Variants in MBIP observed in about 807,000 individuals in gnomAD.
MBIP encodes MAP3K12-binding inhibitory protein 1.
MBIP carries 32 observed loss-of-function variants against 45.7 expected under a neutral mutation model. That is an observed-to-expected ratio of 0.70 (90% CI 0.53 to 0.94). The LOEUF is 0.94. Among genes scored for constraint, MBIP ranks in the 40% least tolerant of loss-of-function variants. The probability of loss-of-function intolerance (pLI) is 0.00; values close to 1 mark genes in which losing one functional copy is unlikely to be tolerated. For synonymous variants in MBIP, 145 were observed against 141.0 expected, an observed-to-expected ratio of 1.03 and a Z score of -0.20; for missense variants, 381 against 405.5, an observed-to-expected ratio of 0.94 and a Z score of 0.52.
chr14:36,305,840 T>C (rs1879839899), intron 7 of MBIP, among the ~76,000 whole-genome samples: 2 of 152,226 alleles, frequency 1.3e-5, no homozygotes, highest in African/African-American at 4.8e-5. Context: ...CTATCCTTGT[T>C]CTCTGTCTCT....
intron 2 of MBIP, among the ~76,000 whole-genome samples, chr14:36,316,107 A>C (rs1046053081): frequency 2.5e-4 from 38 of 152,324 alleles, no homozygotes; most frequent in African/African-American, 9.1e-4. Context: ...CACTATTATA[A>C]ATACCAATTC....
intron 7 of MBIP, among the ~76,000 whole-genome samples, chr14:36,301,915 G>T (rs1009618625): frequency 1.3e-5 from 2 of 152,198 alleles, no homozygotes; most frequent in African/African-American, 4.8e-5. Flanking sequence ...TGACTACTGA[G>T]ATTTTAAAGA....
At chr14:36,299,511 G>A (rs940750592) in intron 8 of MBIP, among the ~76,000 whole-genome samples, 4 of 151,080 alleles carry the variant, frequency 2.6e-5, no homozygotes, top group African/African-American at 7.3e-5. Context: ...ATTTGAAGAT[G>A]GGAGGAGGGA....
intron 1 of MBIP, among the ~76,000 whole-genome samples, chr14:36,317,040 T>C (rs1880616471): frequency 6.6e-6 from 1 of 152,200 alleles, no homozygotes; most frequent in African/African-American, 2.4e-5. Flanking sequence ...TCAAATTCTA[T>C]TCTTAGGTCT....
Position 36,316,738 on chromosome 14 carries a change from A to G in MBIP, c.204T>C (p.Pro68=), listed in dbSNP as rs1880595705. Residue 68 remains proline (P), a synonymous_variant, in exon 2 of 9, where the codon CCT becomes CCC. Coordinates refer to ENST00000416007, the MANE Select transcript of MBIP (RefSeq NM_016586.3). ...NKLQSLSAFQ[P]ALLFSALEQH... ...GTTCAAGTGCACTAAAGAGCAATGCAGGCTGGAATGCCGAGAGGCTCTGGA... is the reference window on the plus strand; with the variant it reads ...GTTCAAGTGCACTAAAGAGCAATGCGGGCTGGAATGCCGAGAGGCTCTGGA... 6 of 1,613,062 alleles carry G rather than the reference A, an allele frequency of 3.7e-6. No individual in the cohort carries two copies. The East Asian group carries it at 1.1e-4, about 30-fold the overall frequency.
intron 1 of MBIP, among the ~76,000 whole-genome samples, chr14:36,317,384 T>C (rs1880637371): frequency 6.6e-6 from 1 of 152,142 alleles, no homozygotes; most frequent in Non-Finnish European, 1.5e-5. Flanking sequence ...ACATATAAAG[T>C]GTAGGGATAA....
At chr14:36,302,206 C>T (rs1879600929) in intron 7 of MBIP, among the ~76,000 whole-genome samples, 1 of 152,076 alleles carries the variant, frequency 6.6e-6, no homozygotes, top group Non-Finnish European at 1.5e-5. Flanking sequence ...AATATAATTG[C>T]CCTTGGCCAG....
chr14:36,309,539 T>C (rs1880080144), intron 6 of MBIP, among the ~76,000 whole-genome samples: 1 of 152,198 alleles, frequency 6.6e-6, no homozygotes, highest in East Asian at 1.9e-4. Context: ...TACGGGTAAA[T>C]TTCTATATCA....
chr14:36,314,523 TC>T lies in MBIP; in HGVS notation c.559del (p.Asp187IlefsTer25), dbSNP rs1473097715. The T allele has an allele frequency of 6.2e-7, 1 of 1,606,962 alleles. No homozygotes were observed. ...NNVREFCNVI[D>X]CNQENSCART... ...TTCCAGGTAGTTACCTTGATTACAA[TC>T]AATAACATTGCAAAATTCCCTGACG... On this transcript the variant is annotated frameshift_variant, in exon 4 of 9. Transcript: ENST00000416007. LOFTEE classifies it high-confidence loss of function.
rs1294677375 is a variant in MBIP, at chr14:36,308,014, A to T, written c.888+78T>A. 6.6e-6 allele frequency: 5 copies of T among 761,014 alleles called. No individual in the cohort carries two copies. In the Admixed American group the frequency reaches 1.1e-4, roughly 17 times the overall value. 47.1% of individuals were successfully genotyped at this position (761,014 alleles called of 1,614,324 possible). Reference sequence around the variant, plus strand: ...TAAAATAGTGTTTTGCTTATAGATCAATGAGTGACTGTTAAACCACAAAGA... The same window carrying T: ...TAAAATAGTGTTTTGCTTATAGATCTATGAGTGACTGTTAAACCACAAAGA... On this transcript the variant is annotated intron_variant, in intron 7 of 8. Coordinates refer to ENST00000416007, the MANE Select transcript of MBIP (RefSeq NM_016586.3).
intron 7 of MBIP, among the ~76,000 whole-genome samples, chr14:36,305,897 A>G (rs960357914): frequency 6.6e-6 from 1 of 151,932 alleles, no homozygotes; most frequent in Non-Finnish European, 1.5e-5. Flanking sequence ...TCCTACTTGC[A>G]TTAATCTTTT....
intron 1 of MBIP, among the ~76,000 whole-genome samples, chr14:36,319,132 A>G (rs1407567371): frequency 6.6e-6 from 1 of 152,192 alleles, no homozygotes; most frequent in South Asian, 2.1e-4. Flanking sequence ...AAAATATTTC[A>G]AAAGAAATGT....
At chr14:36,309,439 A>G (rs1193339465) in intron 6 of MBIP, among the ~76,000 whole-genome samples, 1 of 152,238 alleles carries the variant, frequency 6.6e-6, no homozygotes, top group Admixed American at 6.5e-5. Flanking sequence ...GCATCAGTTC[A>G]TAAGACTACA....
At chr14:36,300,864 GCAT>G in intron 7 of MBIP, 41 bp from the exon 8 acceptor site, 1 of 1,254,184 alleles carries the variant, frequency 8.0e-7, no homozygotes. Flanking sequence ...AAAAATCTAA[GCAT>G]CATTTTTTTT....
chr14:36,308,025 G>A, intron 7 of MBIP, 67 bp downstream of exon 7: 2 of 885,970 alleles, frequency 2.3e-6, no homozygotes, highest in Non-Finnish European at 3.6e-6. Flanking sequence ...ATGAGTGACT[G>A]TTAAACCACA....
intron 7 of MBIP, among the ~76,000 whole-genome samples, chr14:36,302,678 T>C (rs1443939752): frequency 6.6e-6 from 1 of 152,124 alleles, no homozygotes; most frequent in Non-Finnish European, 1.5e-5. Context: ...CAGTAAAATG[T>C]GGCCTTTTGG....
chr14:36,303,074 T>A (rs1356660716), intron 7 of MBIP, among the ~76,000 whole-genome samples: 1 of 152,220 alleles, frequency 6.6e-6, no homozygotes, highest in Non-Finnish European at 1.5e-5. Flanking sequence ...GATAGGCCAG[T>A]GTACACATTC....
chr14:36,299,971 T>C (rs979981157), intron 8 of MBIP, among the ~76,000 whole-genome samples: 3 of 152,098 alleles, frequency 2.0e-5, no homozygotes, highest in Non-Finnish European at 4.4e-5. Flanking sequence ...GGGGCAGTGA[T>C]GGAAATGTTC....
intron 1 of MBIP, among the ~76,000 whole-genome samples, chr14:36,319,016 T>C (rs996149164): frequency 2.0e-4 from 30 of 152,272 alleles, no homozygotes; most frequent in African/African-American, 7.2e-4. Flanking sequence ...AAATATTTAC[T>C]GTGAACATTT....
Sources: gnomAD v4.1 joint callset for allele counts (sites outside exome capture counted in the v4.1 genomes callset) on GRCh38, gnomAD v4.1.1 for gene constraint, MANE v1.5 for transcripts, NCBI Gene and HGNC (gene_info 2026-07-23, HGNC 2026-07-21) for gene names.